Variants in LAMA2 observed in about 807,000 individuals in gnomAD.
LAMA2 encodes laminin subunit alpha 2, also known as laminin subunit alpha-2.
In LAMA2, 269 loss-of-function variants were observed where a neutral mutation model predicts 364.8. That is an observed-to-expected ratio of 0.74 (90% CI 0.67 to 0.82). The LOEUF (loss-of-function observed/expected upper bound fraction) is 0.82, where lower values mean the gene tolerates loss of function less well. LAMA2 is among the 40% of genes least tolerant of loss of function. The probability of loss-of-function intolerance (pLI) is 0.00; values close to 1 mark genes in which losing one functional copy is unlikely to be tolerated. For synonymous variants in LAMA2, 1,379 were observed against 1,370.6 expected (o/e 1.01, Z -0.14); for missense variants, 3,807 against 3,873.2 (o/e 0.98, Z 0.45).
intron 58 of LAMA2, among the ~76,000 whole-genome samples, chr6:129,496,549 T>C (rs1785208465): frequency 6.6e-6 from 1 of 152,196 alleles, no homozygotes; most frequent in Admixed American, 6.5e-5. Flanking sequence ...TCTCTATTAA[T>C]TGTATTATAT....
At chr6:129,228,706 C>T (rs1784488655) in intron 12 of LAMA2, among the ~76,000 whole-genome samples, 1 of 152,050 alleles carries the variant, frequency 6.6e-6, no homozygotes, top group African/African-American at 2.4e-5. Context: ...GACTCCTGTT[C>T]TAGGTAATTG....
intron 8 of LAMA2, among the ~76,000 whole-genome samples, chr6:129,159,563 G>A (rs551506088): frequency 6.6e-6 from 1 of 152,296 alleles, no homozygotes; most frequent in South Asian, 2.1e-4. Flanking sequence ...ACATGCTTTA[G>A]AAACGTACAC....
intron 34 of LAMA2, among the ~76,000 whole-genome samples, chr6:129,371,932 C>G (rs907232557): frequency 6.6e-6 from 1 of 152,106 alleles, no homozygotes; most frequent in East Asian, 1.9e-4. Context: ...TTAAGAGTGT[C>G]AGATCTTTAT....
chr6:129,170,155 T>G (rs1239574773), intron 9 of LAMA2, among the ~76,000 whole-genome samples: 1 of 150,368 alleles, frequency 6.7e-6, no homozygotes, highest in African/African-American at 2.5e-5. Context: ...TTTGTGTCTC[T>G]ATTTCCTTCA....
intron 32 of LAMA2, among the ~76,000 whole-genome samples, chr6:129,354,462 C>G (rs1257207325): frequency 6.6e-6 from 1 of 151,960 alleles, no homozygotes. Flanking sequence ...ATAGTATATA[C>G]ACACTAATTC....
At chr6:129,140,341 G>A (rs912765970) in intron 4 of LAMA2, among the ~76,000 whole-genome samples, 3 of 152,026 alleles carry the variant, frequency 2.0e-5, no homozygotes, top group African/African-American at 4.8e-5. Context: ...AGATGTTTCT[G>A]ATAAGGTTTC....
At chr6:129,205,223 A>C (rs1217183216) in intron 12 of LAMA2, among the ~76,000 whole-genome samples, 8 of 117,746 alleles carry the variant, frequency 6.8e-5, no homozygotes, top group African/African-American at 3.9e-4. Context: ...CCCCGTCTCT[A>C]CTAAAAAAAA....
chr6:129,075,538 T>C (rs1052223767), intron 3 of LAMA2, among the ~76,000 whole-genome samples: 1 of 152,138 alleles, frequency 6.6e-6, no homozygotes, highest in African/African-American at 2.4e-5. Context: ...CAGGAAACCA[T>C]AGTACTTTTT....
chr6:129,275,199 A>T (rs265391), intron 17 of LAMA2, among the ~76,000 whole-genome samples: 150,336 of 152,098 alleles, frequency 0.99, 74,331 homozygotes, highest in Middle Eastern at 1. Context: ...TAAGGAAACA[A>T]TCAATTCAGC....
chr6:129,067,004 G>A (rs1207120688), intron 3 of LAMA2, among the ~76,000 whole-genome samples: 1 of 152,112 alleles, frequency 6.6e-6, no homozygotes, highest in African/African-American at 2.4e-5. Flanking sequence ...CATTGGTCTG[G>A]GCAATGATTT....
At chr6:129,230,861 C>T (rs558141854) in intron 12 of LAMA2, among the ~76,000 whole-genome samples, 12 of 152,088 alleles carry the variant, frequency 7.9e-5, no homozygotes, top group Non-Finnish European at 1.5e-4. Context: ...GATGAGAAAC[C>T]CTCAAGCTAC....
chr6:129,270,590 A>T (rs780545998), intron 16 of LAMA2, 34 bp from the exon 17 acceptor site: 2 of 1,611,934 alleles, frequency 1.2e-6, no homozygotes, highest in Admixed American at 3.3e-5. Context: ...CCTGACACCA[A>T]AATAATAAAC....
intron 1 of LAMA2, among the ~76,000 whole-genome samples, chr6:129,045,871 A>C (rs1260371186): frequency 6.6e-6 from 1 of 152,208 alleles, no homozygotes; most frequent in East Asian, 1.9e-4. Context: ...AGTCTTACCC[A>C]TACCTGCAAA....
At chr6:128,993,340 G>A (rs1338805501) in intron 1 of LAMA2, among the ~76,000 whole-genome samples, 2 of 152,142 alleles carry the variant, frequency 1.3e-5, no homozygotes, top group South Asian at 2.1e-4. Flanking sequence ...TTTCAGCAGC[G>A]TTGTCTTGAC....
intron 41 of LAMA2, 57 bp downstream of exon 41, chr6:129,427,911 A>T (rs1040534809): frequency 9.9e-7 from 1 of 1,015,062 alleles, no homozygotes; most frequent in Non-Finnish European, 1.6e-6. Flanking sequence ...TACTGATAAG[A>T]TATTCTATCA....
At chr6:129,314,302 G>A (rs1179927830) in intron 23 of LAMA2, among the ~76,000 whole-genome samples, 2 of 151,680 alleles carry the variant, frequency 1.3e-5, no homozygotes, top group African/African-American at 2.4e-5. Context: ...GGAAGGCTGA[G>A]GCCGGAGAAT....
chr6:129,037,500 C>G (rs1236751731), intron 1 of LAMA2, among the ~76,000 whole-genome samples: 1 of 152,038 alleles, frequency 6.6e-6, no homozygotes, highest in Non-Finnish European at 1.5e-5. Context: ...GTGGTCTTTA[C>G]AAACTTGACT....
chr6:128,971,225 A>G (rs1333020908), intron 1 of LAMA2, among the ~76,000 whole-genome samples: 1 of 152,220 alleles, frequency 6.6e-6, no homozygotes, highest in Non-Finnish European at 1.5e-5. Flanking sequence ...TTAACATGAT[A>G]ATTATATTGA....
chr6:129,197,172 T>C (rs1373415459), intron 12 of LAMA2, among the ~76,000 whole-genome samples: 2 of 152,190 alleles, frequency 1.3e-5, no homozygotes, highest in African/African-American at 2.4e-5. Flanking sequence ...AAAATATATT[T>C]ATTTGACATA....
Sources: allele counts gnomAD v4.1 joint callset (sites outside exome capture counted in the v4.1 genomes callset), GRCh38; gene constraint gnomAD v4.1.1; transcripts MANE v1.5; gene names NCBI Gene and HGNC (gene_info 2026-07-23, HGNC 2026-07-21).